Variants in RAD50 observed in about 807,000 individuals in gnomAD.
RAD50 encodes the protein DNA repair protein RAD50.
In RAD50, 132 loss-of-function variants were observed where a neutral mutation model predicts 168.8. The observed-to-expected ratio is 0.78, with a 90% CI of 0.68 to 0.90. The LOEUF is 0.90. RAD50 is among the 40% of genes least tolerant of loss of function. The pLI, the probability that RAD50 is intolerant of heterozygous loss-of-function variation, is 0.00. For synonymous variants in RAD50, 525 were observed against 497.4 expected, an observed-to-expected ratio of 1.06 and a Z score of -0.74; for missense variants, 1,347 against 1,534.4, an observed-to-expected ratio of 0.88 and a Z score of 2.04.
chr5:132,580,991 G>C (rs1029987031), intron 5 of RAD50, among the ~76,000 whole-genome samples: 1 of 152,092 alleles, frequency 6.6e-6, no homozygotes, highest in African/African-American at 2.4e-5. Context: ...GCCATGCATA[G>C]AAATATATTG....
intron 3 of RAD50, among the ~76,000 whole-genome samples, chr5:132,577,053 T>G (rs530880811): frequency 1.3e-5 from 2 of 152,224 alleles, no homozygotes; most frequent in Non-Finnish European, 2.9e-5. Context: ...CTTACACTTA[T>G]GTAGTTTAGA....
At chr5:132,567,260 G>A (rs1009940810) in intron 2 of RAD50, among the ~76,000 whole-genome samples, 2 of 151,982 alleles carry the variant, frequency 1.3e-5, no homozygotes, top group South Asian at 4.2e-4. Flanking sequence ...ATACTCGCAA[G>A]ATGAATAACT....
chr5:132,642,784 TTTGAAAAAC>T lies in RAD50; in HGVS notation c.*422_*430del, dbSNP rs1277919693. The T allele has an allele frequency of 2.8e-6, 1 of 351,224 alleles. No individual in the cohort carries two copies. The highest frequency in any genetic ancestry group is 5.5e-6 in the Non-Finnish European group (1 of 181,552). The allele number at this position is 351,224 out of a possible 1,614,324, so 21.8% of individuals were successfully genotyped here. ...TCTGAATTTACTTCCTTGCATGTGG[TTTGAAAAAC>T]TGAGTATTAATATCTGAGGATGACC... On this transcript the variant is annotated 3_prime_UTR_variant, in exon 25 of 25. Transcript: ENST00000378823.
chr5:132,637,309 C>A, intron 22 of RAD50, 109 bp downstream of exon 22: 1 of 1,481,216 alleles, frequency 6.8e-7, no homozygotes, highest in South Asian at 1.2e-5. Context: ...CCTTTCTAAG[C>A]ATGTCTTTGA....
intron 3 of RAD50, among the ~76,000 whole-genome samples, chr5:132,578,641 C>T (rs751790987): frequency 1.3e-5 from 2 of 150,100 alleles, no homozygotes; most frequent in Admixed American, 1.3e-4. Flanking sequence ...ATTCTCTTGC[C>T]TCAGCCTCCC....
chr5:132,587,354 C>T (rs1029029164), intron 5 of RAD50, among the ~76,000 whole-genome samples: 7 of 152,164 alleles, frequency 4.6e-5, no homozygotes, highest in Admixed American at 4.6e-4. Context: ...TTAATTCCTG[C>T]TTCTCTCTAC....
intron 4 of RAD50, 154 bp downstream of exon 4, chr5:132,579,656 C>G (rs776998067): frequency 4.6e-6 from 4 of 871,260 alleles, no homozygotes. Context: ...TATTTTCTTT[C>G]ACTTGTCTTT....
At chr5:132,612,862 A>G (rs1462101525) in intron 19 of RAD50, among the ~76,000 whole-genome samples, 1 of 152,026 alleles carries the variant, frequency 6.6e-6, no homozygotes, top group African/African-American at 2.4e-5. Context: ...TATGTCTCCA[A>G]TCCACACCAG....
At chr5:132,579,675 A>G (rs1750469368) in intron 4 of RAD50, 173 bp downstream of exon 4, 1 of 826,698 alleles carries the variant, frequency 1.2e-6, no homozygotes, top group Non-Finnish European at 1.9e-6. Flanking sequence ...TTCTGTGCGT[A>G]TATTTATTTA....
intron 5 of RAD50, among the ~76,000 whole-genome samples, chr5:132,582,101 G>C (rs1401895133): frequency 1.3e-5 from 2 of 152,150 alleles, no homozygotes; most frequent in African/African-American, 4.8e-5. Context: ...GAGACATAGA[G>C]ACAGTAAAAT....
chr5:132,637,343 G>C, intron 22 of RAD50, 143 bp downstream of exon 22: 1 of 1,445,590 alleles, frequency 6.9e-7, no homozygotes, highest in Non-Finnish European at 9.3e-7. Context: ...TTCTTATCTT[G>C]GCAACATCTT....
intron 2 of RAD50, among the ~76,000 whole-genome samples, chr5:132,575,376 A>C (rs963051484): frequency 6.6e-6 from 1 of 152,204 alleles, no homozygotes; most frequent in South Asian, 2.1e-4. Context: ...CCCATGATTC[A>C]ATTACCTTCA....
intron 11 of RAD50, 36 bp downstream of exon 11, chr5:132,592,070 C>G: frequency 6.4e-7 from 1 of 1,566,654 alleles, no homozygotes; most frequent in Non-Finnish European, 8.8e-7. Context: ...ATAGAAATCT[C>G]TTATTTCATG....
intron 9 of RAD50, among the ~76,000 whole-genome samples, chr5:132,590,509 G>A (rs1314841435): frequency 6.6e-6 from 1 of 152,082 alleles, no homozygotes; most frequent in Admixed American, 6.5e-5. Context: ...TTTTAAAAAA[G>A]CAAGTATTTT....
At chr5:132,559,065 G>A (rs1750073481) in intron 1 of RAD50, among the ~76,000 whole-genome samples, 1 of 152,122 alleles carries the variant, frequency 6.6e-6, no homozygotes, top group Non-Finnish European at 1.5e-5. Flanking sequence ...TTTTTCCCAA[G>A]TAACAATTCT....
intron 7 of RAD50, 86 bp from the exon 8 acceptor site, chr5:132,588,601 T>G: frequency 7.4e-7 from 1 of 1,350,980 alleles, no homozygotes; most frequent in Non-Finnish European, 1.0e-6. Context: ...CACACTGCAT[T>G]ATTTTTTATA....
chr5:132,638,271 A>G, intron 23 of RAD50, 48 bp downstream of exon 23: 1 of 1,608,740 alleles, frequency 6.2e-7, no homozygotes, highest in South Asian at 1.1e-5. Flanking sequence ...AGTAACTGAA[A>G]GAGAGAAACA....
intron 13 of RAD50, among the ~76,000 whole-genome samples, chr5:132,596,408 T>C (rs1750792862): frequency 6.6e-6 from 1 of 152,224 alleles, no homozygotes; most frequent in South Asian, 2.1e-4. Context: ...TTTAGGACTG[T>C]CTGTTGACAT....
At chr5:132,609,582 G>A (rs1751049798) in intron 19 of RAD50, among the ~76,000 whole-genome samples, 186 bp downstream of exon 19, 2 of 152,150 alleles carry the variant, frequency 1.3e-5, no homozygotes, top group Non-Finnish European at 2.9e-5. Flanking sequence ...AGGAGATCAA[G>A]ACCAGCCTGG....
Sources: gnomAD v4.1 joint callset for allele counts (sites outside exome capture counted in the v4.1 genomes callset) on GRCh38, gnomAD v4.1.1 for gene constraint, MANE v1.5 for transcripts, NCBI Gene and HGNC (gene_info 2026-07-23, HGNC 2026-07-21) for gene names.